The following TPM3 variants were observed in gnomAD, a reference collection of about 807,000 sequenced individuals.
TPM3 encodes tropomyosin 3, also known as tropomyosin alpha-3 chain.
Under a neutral mutation model 43.1 loss-of-function variants are expected in TPM3, and 16 were observed. That is an observed-to-expected ratio of 0.37 (90% CI 0.25 to 0.56). The LOEUF (loss-of-function observed/expected upper bound fraction) is 0.56. TPM3 is among the 20% of genes least tolerant of loss of function. The probability of loss-of-function intolerance (pLI) is 0.77; values close to 1 mark genes in which losing one functional copy is unlikely to be tolerated. For synonymous variants in TPM3, 101 were observed against 116.9 expected, an observed-to-expected ratio of 0.86 and a Z score of 0.88; for missense variants, 176 against 337.2, an observed-to-expected ratio of 0.52 and a Z score of 3.74.
Position 154,167,903 on chromosome 1 carries a change from G to A in TPM3, c.*34C>T. ...CCTTGGGTTCCCCGAGGAGTAAAGG[G>A]GGCAGATCCAGAACAGAGCAGAAAC... On this transcript the variant is annotated 3_prime_UTR_variant, in exon 10 of 10. Transcript: ENST00000651641. 6.2e-7 allele frequency: 1 copy of A among 1,613,986 alleles called. No homozygotes were observed. The highest frequency in any genetic ancestry group is 8.5e-7 in the Non-Finnish European group (1 of 1,179,952).
chr1:154,191,960 A>G lies in TPM3; in HGVS notation c.59T>C (p.Leu20Pro), dbSNP rs1663698070. 1.9e-6 allele frequency: 3 copies of G among 1,613,976 alleles called. No homozygotes were observed. The highest frequency in any genetic ancestry group is 2.5e-6 in the Non-Finnish European group (3 of 1,180,020). The change falls in exon 1 of 10, where the codon CTG becomes CCG. Residue 20 changes from leucine to proline, a missense_variant. Leu to Pro is a moderately conservative substitution (Grantham distance 98). This residue lies in a region of TPM3 where 82 missense variants were observed against 148.8 expected (regional missense o/e 0.55). Transcript: ENST00000651641. ...AGCTTCAGCTTGCTCTGCCCGATCCAGAGCATTCTCCTTGTCTAACTTCAG... is the reference window on the plus strand; with the variant it reads ...AGCTTCAGCTTGCTCTGCCCGATCCGGAGCATTCTCCTTGTCTAACTTCAG... ...QMLKLDKENALDRAEQAEAEQ... is the reference protein window; with the variant it reads ...QMLKLDKENAPDRAEQAEAEQ...
At chr1:154,178,074 C>T (rs1305215812) in intron 2 of TPM3, 1 of 928,752 alleles carries the variant, frequency 1.1e-6, no homozygotes, top group Non-Finnish European at 1.3e-6. Context: ...GTCAGGCTAT[C>T]AGGCAAGACC....
At chr1:154,176,560 G>A (rs565373792) in intron 2 of TPM3, among the ~76,000 whole-genome samples, 1 of 143,484 alleles carries the variant, frequency 7.0e-6, no homozygotes, top group Non-Finnish European at 1.5e-5. Context: ...ACTGGAGTCA[G>A]AAAAGAAAGT....
At chr1:154,170,517 G>A (rs1243608540) in intron 7 of TPM3, 48 bp from the exon 8 acceptor site, 3 of 1,608,290 alleles carry the variant, frequency 1.9e-6, no homozygotes, top group African/African-American at 2.7e-5. Flanking sequence ...AGACAAAGAA[G>A]AACAATCTCT....
At chr1:154,187,647 C>A (rs1663465676) in intron 2 of TPM3, among the ~76,000 whole-genome samples, 1 of 151,554 alleles carries the variant, frequency 6.6e-6, no homozygotes, top group African/African-American at 2.4e-5. Context: ...CAGAATTCAT[C>A]CCCAGGAAAT....
At position 154,167,179 on chromosome 1, in the gene TPM3, G is replaced by C. The variant is rs1393212544; in HGVS notation, c.*758C>G. ...ATATCCCACTAGTCACACACTAGCAGGCAAATGGTAGCAAGTCTCAAATAT... is the reference window on the plus strand; with the variant it reads ...ATATCCCACTAGTCACACACTAGCACGCAAATGGTAGCAAGTCTCAAATAT... On this transcript the variant is annotated 3_prime_UTR_variant, in exon 10 of 10. Transcript: ENST00000651641. The C allele has an allele frequency of 2.2e-6, 1 of 457,500 alleles. No homozygotes were observed. Among genetic ancestry groups the C allele is most frequent in the African/African-American group, 2.1e-5 (1 of 46,758 alleles). The allele number at this position is 457,500 out of a possible 1,614,324, so 28.3% of individuals were successfully genotyped here.
chr1:154,182,330 T>C (rs1448006702), intron 2 of TPM3, among the ~76,000 whole-genome samples: 3 of 152,164 alleles, frequency 2.0e-5, no homozygotes, highest in Non-Finnish European at 4.4e-5. Context: ...GTGTAGCAGC[T>C]GCAAGAGCAC....
At chr1:154,170,734 A>T in intron 6 of TPM3, 23 bp from the exon 7 acceptor site, 1 of 1,551,238 alleles carries the variant, frequency 6.4e-7, no homozygotes, top group South Asian at 1.1e-5. Context: ...TAGATTAAAA[A>T]TTTCAGAGTA....
Position 154,191,932 on chromosome 1 carries a change from C to T in TPM3, c.87G>A (p.Glu29=), listed in dbSNP as rs1663696239. The change falls in exon 1 of 10, where the codon GAG becomes GAA. Residue 29 remains glutamate, a synonymous_variant. Transcript: ENST00000651641. ...ALDRAEQAEA[E]QKQAEERSKQ... The stretch of plus-strand genomic sequence containing the variant: ...TACTTCTTTCTTCTGCCTGCTTCTG[C>T]TCAGCTTCAGCTTGCTCTGCCCGAT... 6.2e-7 allele frequency: 1 copy of T among 1,613,918 alleles called. No homozygotes were observed. The highest frequency in any genetic ancestry group is 1.3e-5 in the African/African-American group (1 of 75,064).
At position 154,170,390 on chromosome 1, in the gene TPM3, G is replaced by A. The variant is rs370063675; in HGVS notation, c.775+10C>T. 2 of 1,613,984 alleles carry A rather than the reference G, an allele frequency of 1.2e-6. No homozygotes were observed. Among genetic ancestry groups the A allele is most frequent in the Non-Finnish European group, 1.7e-6 (2 of 1,179,902 alleles). On this transcript the variant is annotated intron_variant, in intron 8 of 9. Transcript: ENST00000651641. Reference sequence around the variant, plus strand: ...TTTCTCTATTTCAATCCCTACTCCAGGTTCCATACCTTCCAGGTCATCAAT... The same window carrying A: ...TTTCTCTATTTCAATCCCTACTCCAAGTTCCATACCTTCCAGGTCATCAAT...
chr1:154,183,346 A>G (rs2148284033), intron 2 of TPM3: 2 of 1,429,896 alleles, frequency 1.4e-6, no homozygotes, highest in Non-Finnish European at 1.8e-6. Context: ...GTCGCCCTGG[A>G]GTACGGCTCC....
At chr1:154,171,887 T>C (rs1661616305) in intron 5 of TPM3, 1 of 898,802 alleles carries the variant, frequency 1.1e-6, no homozygotes, top group Admixed American at 1.7e-5. Flanking sequence ...GCCAAGTAAG[T>C]GGAAAAGAAT....
intron 3 of TPM3, among the ~76,000 whole-genome samples, chr1:154,175,364 A>C (rs1327707455): frequency 6.6e-6 from 1 of 151,666 alleles, no homozygotes; most frequent in Non-Finnish European, 1.5e-5. Context: ...TAGCTGGAGA[A>C]CTTTAAAAAC....
Position 154,191,814 on chromosome 1 carries a change from C to T in TPM3, c.117+88G>A. 1.9e-6 allele frequency: 3 copies of T among 1,575,318 alleles called. No individual in the cohort carries two copies. In the South Asian group the frequency reaches 3.3e-5, roughly 18 times the overall value. ...CCCACCCCCAAAAAGGAGGTGACAC[C>T]AGTAGTCACTGTCTTTCCCATGAAA... On this transcript the variant is annotated intron_variant, in intron 1 of 9. Coordinates refer to ENST00000651641, the MANE Select transcript of TPM3 (RefSeq NM_152263.4).
downstream of TPM3, among the ~76,000 whole-genome samples, chr1:154,159,991 CTTTTTTT>C (rs60242183): frequency 1.5e-5 from 2 of 129,866 alleles, no homozygotes; most frequent in Admixed American, 7.8e-5. Context: ...AAGTTATTTC[CTTTTTTT>C]TTTTTTTTTT....
intron 2 of TPM3, among the ~76,000 whole-genome samples, chr1:154,190,100 C>T (rs1429099373): frequency 1.3e-5 from 2 of 152,048 alleles, no homozygotes; most frequent in Non-Finnish European, 2.9e-5. Context: ...CGCCACCACA[C>T]CTGGCTAATT....
Position 154,167,240 on chromosome 1 carries a change from C to G in TPM3, c.*697G>C. ...TTTAAAGAAGAAAAAGTAAAAAAACCGTCCAGAATTCTATCCATTGTGTAT... is the reference window on the plus strand; with the variant it reads ...TTTAAAGAAGAAAAAGTAAAAAAACGGTCCAGAATTCTATCCATTGTGTAT... On this transcript the variant is annotated 3_prime_UTR_variant, in exon 10 of 10. Transcript: ENST00000651641. 1.1e-6 allele frequency: 1 copy of G among 939,666 alleles called. No individual in the cohort carries two copies. The highest frequency in any genetic ancestry group is 6.2e-5 in the Admixed American group (1 of 16,212). The allele number at this position is 939,666 out of a possible 1,614,324, so 58.2% of individuals were successfully genotyped here.
rs1660598282 is a variant in TPM3, at chr1:154,163,469, A to G, written c.*4468T>C. On this transcript the variant is annotated 3_prime_UTR_variant, in exon 10 of 10. Transcript: ENST00000651641. ...ACTCAAAATGTACCCTCAAATTACT[A>G]AAGTATCAATGCATGTCCCATTTTC... Among the ~76,000 whole-genome samples the G allele has an allele frequency of 6.6e-6, 1 of 152,144 alleles. No individual in the cohort carries two copies. Among genetic ancestry groups the G allele is most frequent in the African/African-American group, 2.4e-5 (1 of 41,432 alleles).
At chr1:154,161,472 G>A (rs1180019678), downstream of TPM3, among the ~76,000 whole-genome samples, 1 of 90,454 alleles carries the variant, frequency 1.1e-5, no homozygotes, top group African/African-American at 4.4e-5. Flanking sequence ...TTTCACTCTT[G>A]TTGCCCAGGT....
Sources: gnomAD v4.1 joint callset for allele counts (sites outside exome capture counted in the v4.1 genomes callset) on GRCh38, gnomAD v4.1.1 for gene constraint, gnomAD v4.1.1 regional missense constraint, MANE v1.5 for transcripts, NCBI Gene and HGNC (gene_info 2026-07-23, HGNC 2026-07-21) for gene names.